The following TRDN variants were observed in gnomAD, a reference collection of about 807,000 sequenced individuals.
TRDN encodes triadin, also known as triadin in skeletal muscle.
In TRDN, 161 loss-of-function variants were observed where a neutral mutation model predicts 149.7. The observed-to-expected ratio is 1.08, with a 90% CI of 0.95 to 1.23. The LOEUF (loss-of-function observed/expected upper bound fraction) is 1.23. TRDN is among the 50% of genes most tolerant of loss of function. The probability of loss-of-function intolerance (pLI) is 0.00; values close to 1 mark genes in which losing one functional copy is unlikely to be tolerated. For missense variants in TRDN, 896 were observed against 823.5 expected, an observed-to-expected ratio of 1.09 and a Z score of -1.08; for synonymous variants, 294 against 250.5, an observed-to-expected ratio of 1.17 and a Z score of -1.64.
chr6:123,533,539 T>C (rs1216758352), intron 4 of TRDN, among the ~76,000 whole-genome samples: 1 of 151,958 alleles, frequency 6.6e-6, no homozygotes, highest in African/African-American at 2.4e-5. Flanking sequence ...GCAAGGTAGG[T>C]GTAAGTTTGC....
chr6:123,585,176 C>A (rs2114596435), intron 1 of TRDN, among the ~76,000 whole-genome samples: 1 of 149,536 alleles, frequency 6.7e-6, no homozygotes, highest in African/African-American at 2.4e-5. Context: ...GCAAAGGAGG[C>A]TTTGGATTGG....
chr6:123,244,784 A>G (rs1156734970), intron 38 of TRDN, among the ~76,000 whole-genome samples: 2 of 152,134 alleles, frequency 1.3e-5, no homozygotes, highest in African/African-American at 2.4e-5. Flanking sequence ...ACTCCAAGAC[A>G]CATAGCCATC....
At chr6:123,529,925 C>T (rs957744548) in intron 5 of TRDN, among the ~76,000 whole-genome samples, 1 of 151,914 alleles carries the variant, frequency 6.6e-6, no homozygotes, top group African/African-American at 2.4e-5. Context: ...ATAAGCAAGA[C>T]AATGCTGGCC....
chr6:123,323,833 T>C (rs531866451), intron 23 of TRDN, among the ~76,000 whole-genome samples: 26 of 152,370 alleles, frequency 1.7e-4, no homozygotes, highest in African/African-American at 5.8e-4. Flanking sequence ...CTTTTATCTG[T>C]TCTTTCTTTT....
chr6:123,350,300 T>C (rs1372814785), intron 21 of TRDN: 1 of 949,752 alleles, frequency 1.1e-6, no homozygotes, highest in Non-Finnish European at 1.3e-6. Flanking sequence ...GGAATATCCA[T>C]AGTATTTAAG....
At chr6:123,406,818 A>G (rs1230522590) in intron 12 of TRDN, among the ~76,000 whole-genome samples, 5 of 152,190 alleles carry the variant, frequency 3.3e-5, no homozygotes, top group Admixed American at 3.3e-4. Flanking sequence ...GAAGTCCAAC[A>G]TAGAAGGGTT....
chr6:123,312,541 A>G (rs960747908), intron 24 of TRDN, among the ~76,000 whole-genome samples: 1 of 152,018 alleles, frequency 6.6e-6, no homozygotes, highest in Non-Finnish European at 1.5e-5. Context: ...AGTTTATATT[A>G]CCAGGAAGGC....
At chr6:123,289,697 GTATAAA>G (rs1239058452) in intron 24 of TRDN, among the ~76,000 whole-genome samples, 1 of 152,088 alleles carries the variant, frequency 6.6e-6, no homozygotes, top group African/African-American at 2.4e-5. Context: ...TTGAAAGTGG[GTATAAA>G]TATGACTGCA....
intron 1 of TRDN, among the ~76,000 whole-genome samples, chr6:123,601,532 T>G: frequency 6.6e-6 from 1 of 152,106 alleles, no homozygotes. Context: ...TTGCCATGGC[T>G]CCAGTTACTC....
intron 1 of TRDN, among the ~76,000 whole-genome samples, chr6:123,622,929 T>C (rs1785471357): frequency 6.6e-6 from 1 of 152,158 alleles, no homozygotes. Context: ...CCTTGAGGTT[T>C]GCTATTTAGC....
In TRDN at chr6:123,377,794, T is replaced by C. The variant is rs181350977; in HGVS notation, c.1220-52A>G. 1.1e-4 allele frequency: 171 copies of C among 1,604,708 alleles called. 1 individual carries two copies. The Admixed American group carries it at 1.2e-3, about 11-fold the overall frequency. On this transcript the variant is annotated intron_variant, in intron 17 of 40. Transcript: ENST00000334268. ...ATCAGCATTCTATGTCATTCAATTGTAATTCAGTATTCAATTGCAAATCAA... is the reference window on the plus strand; with the variant it reads ...ATCAGCATTCTATGTCATTCAATTGCAATTCAGTATTCAATTGCAAATCAA...
chr6:123,402,407 T>A (rs905314330), intron 12 of TRDN, among the ~76,000 whole-genome samples: 4 of 152,238 alleles, frequency 2.6e-5, no homozygotes, highest in African/African-American at 4.8e-5. Flanking sequence ...TGAGCAGAGC[T>A]CTCTGAAACA....
intron 18 of TRDN, among the ~76,000 whole-genome samples, chr6:123,377,063 T>A (rs1002264826): frequency 6.6e-6 from 1 of 152,178 alleles, no homozygotes; most frequent in South Asian, 2.1e-4. Flanking sequence ...AATAATTTGG[T>A]ATCCACAGCA....
At chr6:123,587,250 A>G (rs1312481456) in intron 1 of TRDN, among the ~76,000 whole-genome samples, 1 of 152,176 alleles carries the variant, frequency 6.6e-6, no homozygotes, top group African/African-American at 2.4e-5. Flanking sequence ...TGTCCCTCCA[A>G]TGATTAAACA....
chr6:123,499,719 A>AAAAAAAAAAAAAAAAATATATATAT, intron 8 of TRDN, among the ~76,000 whole-genome samples: 2 of 47,674 alleles, frequency 4.2e-5, no homozygotes, highest in African/African-American at 7.2e-5. Flanking sequence ...AAAAAAAAAA[A>AAAAAAAAAAAAAAAAATATATATAT]ATATATATAT....
intron 24 of TRDN, among the ~76,000 whole-genome samples, chr6:123,289,853 T>G (rs1399409711): frequency 6.6e-6 from 1 of 152,068 alleles, no homozygotes. Context: ...AGAGCCAGAA[T>G]CAGTGTGCCT....
intron 9 of TRDN, chr6:123,488,681 A>G (rs532285640): frequency 7.7e-4 from 114 of 147,838 alleles, no homozygotes; most frequent in African/African-American, 2.8e-3. Flanking sequence ...ATTCTCTCCA[A>G]ACGATCTTGT....
intron 20 of TRDN, among the ~76,000 whole-genome samples, chr6:123,363,071 AATT>A (rs1780960779): frequency 6.6e-6 from 1 of 152,210 alleles, no homozygotes; most frequent in African/African-American, 2.4e-5. Flanking sequence ...TAAAATGTTA[AATT>A]ATTATTCATC....
intron 20 of TRDN, among the ~76,000 whole-genome samples, chr6:123,354,447 A>AAT (rs1458399768): frequency 6.6e-6 from 1 of 151,900 alleles, no homozygotes; most frequent in East Asian, 1.9e-4. Context: ...TCACTTTCAC[A>AAT]GGCAAACTCC....
Sources: gnomAD v4.1 joint callset for allele counts (sites outside exome capture counted in the v4.1 genomes callset) on GRCh38, gnomAD v4.1.1 for gene constraint, MANE v1.5 for transcripts, NCBI Gene and HGNC (gene_info 2026-07-23, HGNC 2026-07-21) for gene names.